The following GABRG1 variants were observed in gnomAD, a reference collection of about 807,000 sequenced individuals.
GABRG1 encodes gamma-aminobutyric acid type A receptor subunit gamma1.
A neutral mutation model predicts 49.8 loss-of-function variants in GABRG1; 49 were observed. The ratio of observed to expected loss-of-function variants is 0.98; its 90% CI spans 0.78 to 1.25. GABRG1 has a LOEUF of 1.25. Ranked by LOEUF, GABRG1 falls within the 50% of genes most tolerant of loss-of-function variation. The pLI is 0.00. For missense variants in GABRG1, 552 were observed against 552.3 expected (o/e 1.00, Z 0.01); for synonymous variants, 232 against 185.1 (o/e 1.25, Z -2.06).
In GABRG1 at chr4:46,058,384, A is replaced by C. The variant is rs540110325; in HGVS notation, c.764-15T>G. The C allele has an allele frequency of 1.1e-5, 17 of 1,599,316 alleles. No homozygotes were observed. The highest frequency in any genetic ancestry group is 6.8e-5 in the African/African-American group (5 of 73,948). ...AACATAATCCCCTGTAAGAAAAAAAAGTTTTATTTTGGCTATATAATATAA... is the reference window on the plus strand; with the variant it reads ...AACATAATCCCCTGTAAGAAAAAAACGTTTTATTTTGGCTATATAATATAA... On this transcript the variant is annotated splice_polypyrimidine_tract_variant and intron_variant, in intron 6 of 8. Coordinates refer to ENST00000295452, the MANE Select transcript of GABRG1 (RefSeq NM_173536.4).
chr4:46,120,855 A>G (rs1001506915), intron 1 of GABRG1, among the ~76,000 whole-genome samples: 1 of 151,796 alleles, frequency 6.6e-6, no homozygotes, highest in South Asian at 2.1e-4. Context: ...ACTCTTAGTC[A>G]AGGCTTATTG....
At chr4:46,086,663 A>G (rs1459258671) in intron 2 of GABRG1, among the ~76,000 whole-genome samples, 2 of 151,406 alleles carry the variant, frequency 1.3e-5, no homozygotes, top group Non-Finnish European at 3.0e-5. Flanking sequence ...TCTTTATTTT[A>G]TGTTATATAA....
chr4:46,104,286 A>G (rs1001400861), intron 1 of GABRG1, among the ~76,000 whole-genome samples: 1 of 151,514 alleles, frequency 6.6e-6, no homozygotes, highest in South Asian at 2.1e-4. Flanking sequence ...AAACTCTTAA[A>G]AAGTAGATAA....
intron 2 of GABRG1, among the ~76,000 whole-genome samples, chr4:46,091,257 C>G (rs1474017917): frequency 4.6e-5 from 7 of 152,124 alleles, no homozygotes; most frequent in African/African-American, 1.7e-4. Flanking sequence ...TACGCTAGTT[C>G]TGACCAAATG....
chr4:46,068,292 T>C (rs192984377), intron 3 of GABRG1, among the ~76,000 whole-genome samples: 2 of 152,196 alleles, frequency 1.3e-5, no homozygotes, highest in East Asian at 3.9e-4. Context: ...TATTCAACAC[T>C]GGTTGGTAGA....
At chr4:46,047,863 A>G (rs947629734) in intron 8 of GABRG1, among the ~76,000 whole-genome samples, 1 of 151,924 alleles carries the variant, frequency 6.6e-6, no homozygotes, top group African/African-American at 2.4e-5. Context: ...TCACAACTGG[A>G]TGTAATCATC....
chr4:46,102,955 TA>T (rs1180563488), intron 1 of GABRG1, among the ~76,000 whole-genome samples: 1 of 151,646 alleles, frequency 6.6e-6, no homozygotes, highest in African/African-American at 2.4e-5. Flanking sequence ...ATGCGTAAAT[TA>T]AACATTCATT....
intron 8 of GABRG1, among the ~76,000 whole-genome samples, chr4:46,044,808 C>T (rs539120747): frequency 2.2e-4 from 33 of 152,132 alleles, no homozygotes; most frequent in African/African-American, 7.7e-4. Context: ...GTAAAGATGA[C>T]GACGGTTGGC....
chr4:46,056,392 CT>C (rs1359061151), intron 7 of GABRG1, among the ~76,000 whole-genome samples: 1 of 152,002 alleles, frequency 6.6e-6, no homozygotes, highest in Non-Finnish European at 1.5e-5. Flanking sequence ...CCTGGAATAT[CT>C]TTCTGCCCAA....
chr4:46,071,182 A>C (rs574042612), intron 3 of GABRG1, among the ~76,000 whole-genome samples: 7 of 152,138 alleles, frequency 4.6e-5, no homozygotes, highest in African/African-American at 1.7e-4. Flanking sequence ...AATTATGCAC[A>C]GTGCATAGTA....
intron 3 of GABRG1, among the ~76,000 whole-genome samples, chr4:46,065,975 T>TGG (rs1718905995): frequency 6.6e-6 from 1 of 151,978 alleles, no homozygotes; most frequent in African/African-American, 2.4e-5. Context: ...GCCCGGCTCA[T>TGG]CCTCCCAAAG....
At position 46,045,159 on chromosome 4, in the gene GABRG1, A is replaced by G. The variant is rs547578455; in HGVS notation, c.1132-3905T>C. ...CTGGAATTACTGATTCTAATATTTT[A>G]GGAAATATGAGAAAATAAATCTAGT... On this transcript the variant is annotated intron_variant, in intron 8 of 8. Coordinates refer to ENST00000295452, the MANE Select transcript of GABRG1 (RefSeq NM_173536.4). Among the ~76,000 whole-genome samples, 3 of 152,258 alleles carry G rather than the reference A, an allele frequency of 2.0e-5. No homozygotes were observed. The South Asian group carries it at 6.2e-4, about 32-fold the overall frequency.
chr4:46,044,958 G>A (rs1434354096), intron 8 of GABRG1, among the ~76,000 whole-genome samples: 1 of 152,074 alleles, frequency 6.6e-6, no homozygotes, highest in Non-Finnish European at 1.5e-5. Context: ...GAATGTATAT[G>A]TGTATATTTG....
At chr4:46,057,278 TTA>T (rs1718489278) in intron 7 of GABRG1, among the ~76,000 whole-genome samples, 1 of 152,154 alleles carries the variant, frequency 6.6e-6, no homozygotes. Context: ...GTTGTCACTT[TTA>T]TGTGACCTGC....
rs757849610 is a variant in GABRG1 at position 46,097,385 on chromosome 4, G to C, written c.105-36C>G. On this transcript the variant is annotated intron_variant, in intron 1 of 8. Coordinates refer to ENST00000295452, the MANE Select transcript of GABRG1 (RefSeq NM_173536.4). Reference sequence around the variant, plus strand: ...CAAAGAAAAAAATGGATGGTAGAAGGTTCAATCAAATCATGTATAAAAGTA... The same window carrying C: ...CAAAGAAAAAAATGGATGGTAGAAGCTTCAATCAAATCATGTATAAAAGTA... 6 of 1,570,810 alleles carry C rather than the reference G, an allele frequency of 3.8e-6. No individual in the cohort carries two copies. In the East Asian group the frequency reaches 1.1e-4, roughly 30 times the overall value.
At chr4:46,065,151 G>T (rs1199335336) in intron 4 of GABRG1, among the ~76,000 whole-genome samples, 3 of 152,038 alleles carry the variant, frequency 2.0e-5, no homozygotes, top group Admixed American at 6.6e-5. Flanking sequence ...GAAAATCAAA[G>T]AATTTTTTCT....
chr4:46,040,708 A>T lies in GABRG1; in HGVS notation c.*280T>A. 1 of 212,932 alleles carries T rather than the reference A, an allele frequency of 4.7e-6. No homozygotes were observed. Among genetic ancestry groups the T allele is most frequent in the South Asian group, 1.7e-4 (1 of 5,880 alleles). 13.2% of individuals were successfully genotyped at this position (212,932 alleles called of 1,614,324 possible). A position where few individuals can be genotyped will look rare whatever the true frequency, so the allele number is the denominator to read the frequency against. Reference sequence around the variant, plus strand: ...AAAACATGAATCATAGAACTTAAAAATTCAAAATTATAATAACATATAAGT... The same window carrying T: ...AAAACATGAATCATAGAACTTAAAATTTCAAAATTATAATAACATATAAGT... On this transcript the variant is annotated 3_prime_UTR_variant, in exon 9 of 9. Coordinates refer to ENST00000295452, the MANE Select transcript of GABRG1 (RefSeq NM_173536.4).
At position 46,119,761 on chromosome 4, in the gene GABRG1, A is replaced by T. The variant is rs902786451; in HGVS notation, c.104+4049T>A. Among the ~76,000 whole-genome samples, 5 of 151,484 alleles carry T rather than the reference A, an allele frequency of 3.3e-5. No homozygotes were observed. The Admixed American group carries it at 3.3e-4, about 10-fold the overall frequency. On this transcript the variant is annotated intron_variant, in intron 1 of 8. Transcript: ENST00000295452. ...GTGTATTTTTAATTTTGATTAAAAT[A>T]TATTTTTTATTTAATTAGTGTCATA...
intron 8 of GABRG1, among the ~76,000 whole-genome samples, chr4:46,046,472 A>G (rs563428234): frequency 6.6e-6 from 1 of 152,214 alleles, no homozygotes; most frequent in African/African-American, 2.4e-5. Context: ...ACATTTCACC[A>G]ATATCACATA....
Sources: gnomAD v4.1 joint callset for allele counts (sites outside exome capture counted in the v4.1 genomes callset) on GRCh38, gnomAD v4.1.1 for gene constraint, MANE v1.5 for transcripts, NCBI Gene and HGNC (gene_info 2026-07-23, HGNC 2026-07-21) for gene names.